The following PHRF1 variants were observed in gnomAD, a reference collection of about 807,000 sequenced individuals.
The protein encoded by PHRF1 is PHD and ring finger domains 1.
Under a neutral mutation model 128.9 loss-of-function variants are expected in PHRF1, and 53 were observed. The observed-to-expected ratio is 0.41, with a 90% CI of 0.33 to 0.52. The LOEUF is 0.52. Ranked by LOEUF, PHRF1 falls within the 20% of genes least tolerant of loss-of-function variation. PHRF1 has a pLI of 0.21. For synonymous variants in PHRF1, 1,178 were observed against 980.6 expected, an observed-to-expected ratio of 1.20 and a Z score of -3.76; for missense variants, 2,503 against 2,284.5, an observed-to-expected ratio of 1.10 and a Z score of -1.95.
rs996754454 is a variant in PHRF1, at chr11:611,787, A to T, written c.*10A>T. 1.3e-6 allele frequency: 2 copies of T among 1,591,376 alleles called. No individual in the cohort carries two copies. The highest frequency in any genetic ancestry group is 2.7e-5 in the African/African-American group (2 of 74,520). ...GGGGGCCGAGGGCTGAGGCCAGGCA[A>T]TCACGGGCTATGCCCGGGGAGCTGT... On this transcript the variant is annotated 3_prime_UTR_variant, in exon 18 of 18. Coordinates refer to ENST00000264555, the MANE Select transcript of PHRF1 (RefSeq NM_001286581.2).
At chr11:579,216 G>C (rs562694260) in intron 1 of PHRF1, among the ~76,000 whole-genome samples, 3 of 126,162 alleles carry the variant, frequency 2.4e-5, no homozygotes, top group African/African-American at 1.0e-4. Flanking sequence ...TTGGACCCTG[G>C]GACTCCCCCA....
intron 4 of PHRF1, among the ~76,000 whole-genome samples, chr11:589,170 G>T (rs1322565914): frequency 6.6e-6 from 1 of 151,972 alleles, no homozygotes; most frequent in East Asian, 1.9e-4. Flanking sequence ...CAGATGAACT[G>T]TTAAAATGCT....
rs1854633159 is a variant in PHRF1 at position 587,390 on chromosome 11, A to G, written c.346A>G (p.Arg116Gly). The G allele has an allele frequency of 3.7e-6, 6 of 1,613,906 alleles. No individual in the cohort carries two copies. Among genetic ancestry groups the G allele is most frequent in the Non-Finnish European group, 5.1e-6 (6 of 1,179,900 alleles). ...ESCPICLNAF[R>G]DQAVGTPENC... ...CTGCCCAATCTGTCTCAACGCATTCAGAGACCAGGCCGTGGGGACGCCGGA... is the reference window on the plus strand; with the variant it reads ...CTGCCCAATCTGTCTCAACGCATTCGGAGACCAGGCCGTGGGGACGCCGGA... The change falls in exon 4 of 18, where the codon AGA becomes GGA. Residue 116 changes from arginine to glycine, a missense_variant. Coordinates refer to ENST00000264555, the MANE Select transcript of PHRF1 (RefSeq NM_001286581.2).
At chr11:579,005 C>A (rs760719053) in intron 1 of PHRF1, among the ~76,000 whole-genome samples, 1 of 152,158 alleles carries the variant, frequency 6.6e-6, no homozygotes, top group Non-Finnish European at 1.5e-5. Flanking sequence ...ATGCCCGGCT[C>A]ATTTTTTCTA....
chr11:587,295 T>A lies in PHRF1; in HGVS notation c.251T>A (p.Leu84Gln). 1 of 1,613,652 alleles carries A rather than the reference T, an allele frequency of 6.2e-7. No homozygotes were observed. The highest frequency in any genetic ancestry group is 8.5e-7 in the Non-Finnish European group (1 of 1,179,894). Residue 84 changes from leucine to glutamine, a missense_variant, in exon 4 of 18, where the codon CTG becomes CAG. By Grantham distance (113) the Leu-to-Gln change is moderately radical. Transcript: ENST00000264555. ...EDSEDDGETLLEVAGTQGKLE... is the reference protein window; with the variant it reads ...EDSEDDGETLQEVAGTQGKLE... ...TCTGAAGACGACGGGGAGACATTGCTGGAGGTAGCGGGTACTCAGGGGAAA... is the reference window on the plus strand; with the variant it reads ...TCTGAAGACGACGGGGAGACATTGCAGGAGGTAGCGGGTACTCAGGGGAAA...
chr11:597,677 G>A lies in PHRF1; in HGVS notation c.894+107G>A, dbSNP rs1476892923. The stretch of plus-strand genomic sequence containing the variant: ...GTCGTCGGCACTGTGGGGTCCGCCC[G>A]GCCCCGGTGGCTCATGTTGTTCGGC... On this transcript the variant is annotated intron_variant, in intron 8 of 17. Coordinates refer to ENST00000264555, the MANE Select transcript of PHRF1 (RefSeq NM_001286581.2). The surrounding 1 kb of genome is among the most constrained non-coding windows in gnomAD (Gnocchi z 6.5). The A allele has an allele frequency of 8.8e-6, 12 of 1,363,744 alleles. No homozygotes were observed. Among genetic ancestry groups the A allele is most frequent in the East Asian group, 5.0e-5 (2 of 39,736 alleles). 84.5% of individuals were successfully genotyped at this position (1,363,744 alleles called of 1,614,324 possible).
chr11:605,783 G>T, intron 12 of PHRF1, 59 bp downstream of exon 12: 5 of 1,541,744 alleles, frequency 3.2e-6, no homozygotes, highest in African/African-American at 1.4e-5. Flanking sequence ...TCGGATGGGA[G>T]TTCTAGGGTG....
rs769248782 is a variant in PHRF1, at chr11:610,318, C to G, written c.4387C>G (p.Pro1463Ala). ...LPFPSHVLPEPGFPDTDPSQV... is the reference protein window; with the variant it reads ...LPFPSHVLPEAGFPDTDPSQV... ...CTTTCCCAGTCACGTGCTTCCGGAA[C>G]CCGGGTTCCCAGACACAGACCCCTC... The change falls in exon 15 of 18, where the codon CCC becomes GCC. Residue 1463 changes from proline (P) to alanine (A), a missense_variant. Physicochemically the swap from Pro to Ala is conservative, Grantham distance 27 (BLOSUM62 -1). Coordinates refer to ENST00000264555, the MANE Select transcript of PHRF1 (RefSeq NM_001286581.2). 7.7e-6 allele frequency: 12 copies of G among 1,565,842 alleles called. No individual in the cohort carries two copies. The East Asian group carries it at 9.5e-5, about 12-fold the overall frequency.
chr11:581,613 T>G lies in PHRF1; in HGVS notation c.94+7T>G, dbSNP rs764274713. On this transcript the variant is annotated splice_region_variant and intron_variant, in intron 2 of 17. Transcript: ENST00000264555. ...GACCCGGCAGGTGACTTTGGTGAGC[T>G]GCCTAGCGCCGGGTAGGGGCGTCCC... 21 of 1,608,608 alleles carry G rather than the reference T, an allele frequency of 1.3e-5. No homozygotes were observed. The highest frequency in any genetic ancestry group is 1.8e-5 in the Non-Finnish European group (21 of 1,176,864).
intron 10 of PHRF1, among the ~76,000 whole-genome samples, chr11:604,086 C>T (rs1417518803): frequency 1.3e-5 from 2 of 152,230 alleles, no homozygotes; most frequent in African/African-American, 4.8e-5. Context: ...GAAGCTAAAG[C>T]CATGACCAGG....
chr11:584,925 A>G (rs1056959633), intron 3 of PHRF1, among the ~76,000 whole-genome samples: 6 of 151,924 alleles, frequency 3.9e-5, no homozygotes. Context: ...GTTATTCGAG[A>G]TGGGGTTTCA....
rs147237414 is a variant in PHRF1, at chr11:604,158, C to T, written c.1153-961C>T. The stretch of plus-strand genomic sequence containing the variant: ...TCCCCTGGGCTCTCCCTTTGCTTTG[C>T]GGGGTGCCCTGAGCCTGGGTTGGAA... On this transcript the variant is annotated intron_variant, in intron 10 of 17. Coordinates refer to ENST00000264555, the MANE Select transcript of PHRF1 (RefSeq NM_001286581.2). Among the ~76,000 whole-genome samples the T allele has an allele frequency of 6.6e-3, 1,012 of 152,362 alleles. 6 individuals are homozygous for T. The highest frequency in any genetic ancestry group is 0.014 in the Middle Eastern group (4 of 294).
chr11:606,392 C>G lies in PHRF1; in HGVS notation c.1455-50C>G, dbSNP rs200116286. 10,728 of 1,505,744 alleles carry G rather than the reference C, an allele frequency of 7.1e-3. 66 individuals are homozygous for G. Among genetic ancestry groups the G allele is most frequent in the South Asian group, 0.018 (1,470 of 81,378 alleles). The allele number at this position is 1,505,744 out of a possible 1,614,324, so 93.3% of individuals were successfully genotyped here. On this transcript the variant is annotated intron_variant, in intron 12 of 17. Coordinates refer to ENST00000264555, the MANE Select transcript of PHRF1 (RefSeq NM_001286581.2). ...GCGGGGCTCTGCCTGGGTGCGGGCC[C>G]TCAGGCCGTGGGAGGCAGTGACGGC...
Position 587,251 on chromosome 11 carries a change from C to T in PHRF1, c.215-8C>T. On this transcript the variant is annotated splice_polypyrimidine_tract_variant and splice_region_variant and intron_variant, in intron 3 of 17. Transcript: ENST00000264555. ...CTGCTTGCACCAGCTGGCATGTTTC[C>T]TCTCCAGGTTCCGAGGATTCTGAAG... is the stretch of plus-strand genomic sequence containing the variant. 6.2e-7 allele frequency: 1 copy of T among 1,612,478 alleles called. No individual in the cohort carries two copies. The highest frequency in any genetic ancestry group is 8.5e-7 in the Non-Finnish European group (1 of 1,179,574).
In PHRF1 at chr11:601,720, G is replaced by T; in HGVS notation, c.1152+19G>T. The T allele has an allele frequency of 6.2e-7, 1 of 1,613,312 alleles. No individual in the cohort carries two copies. Among genetic ancestry groups the T allele is most frequent in the Non-Finnish European group, 8.5e-7 (1 of 1,179,618 alleles). Reference sequence around the variant, plus strand: ...GGTAAAGGTGAGCATTGGGTGGCAGGGCCTGAGTCTCCTGCTGGCCACAGC... The same window carrying T: ...GGTAAAGGTGAGCATTGGGTGGCAGTGCCTGAGTCTCCTGCTGGCCACAGC... On this transcript the variant is annotated intron_variant, in intron 10 of 17. Coordinates refer to ENST00000264555, the MANE Select transcript of PHRF1 (RefSeq NM_001286581.2).
rs748055751 is a variant in PHRF1 at position 607,119 on chromosome 11, T to A, written c.1663T>A (p.Phe555Ile). 10 of 1,611,286 alleles carry A rather than the reference T, an allele frequency of 6.2e-6. No homozygotes were observed. The highest frequency in any genetic ancestry group is 7.6e-6 in the Non-Finnish European group (9 of 1,178,740). ...SGSLSRGEEG[F>I]KGCLQPRALP... ...CAGTCTGTCCAGAGGGGAAGAAGGA[T>A]TCAAGGGCTGCCTGCAGCCCCGAGC... The change falls in exon 14 of 18, where the codon TTC becomes ATC. Residue 555 changes from phenylalanine to isoleucine, a missense_variant. Phe to Ile is a conservative substitution (Grantham distance 21, BLOSUM62 0). Coordinates refer to ENST00000264555, the MANE Select transcript of PHRF1 (RefSeq NM_001286581.2).
chr11:594,963 C>T (rs1266308120), intron 6 of PHRF1, among the ~76,000 whole-genome samples: 1 of 152,234 alleles, frequency 6.6e-6, no homozygotes, highest in Admixed American at 6.5e-5. Context: ...TAACGATTCT[C>T]ATACTTCTAA....
At position 610,292 on chromosome 11, in the gene PHRF1, C is replaced by G; in HGVS notation, c.4361C>G (p.Pro1454Arg). The change falls in exon 15 of 18, where the codon CCC (proline) becomes CGC (arginine). Residue 1454 changes from proline to arginine, a missense_variant. By Grantham distance (103) the Pro-to-Arg change is moderately radical. Coordinates refer to ENST00000264555, the MANE Select transcript of PHRF1 (RefSeq NM_001286581.2). The part of the protein sequence containing the change: ...TGVRQVFSEL[P>R]FPSHVLPEPG... ...GTCAGGCAGGTGTTCTCCGAGCTGC[C>G]CTTTCCCAGTCACGTGCTTCCGGAA... The G allele has an allele frequency of 6.4e-7, 1 of 1,563,702 alleles. No homozygotes were observed. The highest frequency in any genetic ancestry group is 8.7e-7 in the Non-Finnish European group (1 of 1,154,136).
At chr11:605,566 G>A (rs766143415) in intron 11 of PHRF1, 39 bp from the exon 12 acceptor site, 1 of 1,604,756 alleles carries the variant, frequency 6.2e-7, no homozygotes, top group African/African-American at 1.3e-5. Flanking sequence ...TGGGAGCTGG[G>A]AGTCACTTGT....
Sources: allele counts gnomAD v4.1 joint callset (sites outside exome capture counted in the v4.1 genomes callset), GRCh38; gene constraint gnomAD v4.1.1; non-coding constraint Gnocchi (gnomAD v3.1); transcripts MANE v1.5; gene names NCBI Gene and HGNC (gene_info 2026-07-23, HGNC 2026-07-21).